DPF3: variants seen among roughly 807,000 people sequenced by gnomAD.
The protein encoded by DPF3 is zinc finger protein DPF3.
DPF3 carries 18 observed loss-of-function variants against 56.8 expected under a neutral mutation model. The ratio of observed to expected loss-of-function variants is 0.32; its 90% CI spans 0.22 to 0.47. The LOEUF is 0.47. DPF3 is among the 20% of genes least tolerant of loss of function. The pLI, the probability that DPF3 is intolerant of heterozygous loss-of-function variation, is 1.00. For synonymous variants in DPF3, 188 were observed against 180.2 expected (o/e 1.04, Z -0.35); for missense variants, 403 against 488.8 (o/e 0.82, Z 1.65).
intron 1 of DPF3, among the ~76,000 whole-genome samples, chr14:72,804,570 G>A (rs527842536): frequency 6.6e-6 from 1 of 152,266 alleles, no homozygotes; most frequent in Admixed American, 6.5e-5. Context: ...TTCTTTCATG[G>A]AATTGATAGA....
At chr14:72,662,518 A>G in intron 8 of DPF3, 1 of 985,302 alleles carries the variant, frequency 1.0e-6, no homozygotes, top group Non-Finnish European at 1.2e-6. Context: ...GAGTAATTCC[A>G]GGCGGACCTG....
chr14:72,849,059 C>T (rs1412704960), intron 1 of DPF3, among the ~76,000 whole-genome samples: 2 of 152,292 alleles, frequency 1.3e-5, no homozygotes, highest in Middle Eastern at 3.4e-3. Flanking sequence ...AGTTAAATAA[C>T]TTGCCCTAGC....
chr14:72,631,073 A>G (rs1320693316), intron 8 of DPF3, among the ~76,000 whole-genome samples: 1 of 152,238 alleles, frequency 6.6e-6, no homozygotes, highest in Non-Finnish European at 1.5e-5. Flanking sequence ...TTCAGCCAAC[A>G]TAAGGATCCT....
chr14:72,622,855 CCT>C lies in DPF3; in HGVS notation c.985-2873_985-2872del, dbSNP rs528466725. Among the ~76,000 whole-genome samples the C allele has an allele frequency of 4.9e-4, 75 of 152,282 alleles. 1 individual carries two copies. Among genetic ancestry groups the C allele is most frequent in the African/African-American group, 1.7e-3 (71 of 41,546 alleles). On this transcript the variant is annotated intron_variant, in intron 9 of 10. Transcript: ENST00000556509. ...TCCTAGTGCCCCAACAACCTCACCC[CCT>C]GACTCCTCCTCAAAGGCTCTGCCAA...
intron 1 of DPF3, chr14:72,853,279 A>C (rs1426772578): frequency 6.6e-6 from 1 of 152,164 alleles, no homozygotes; most frequent in Middle Eastern, 3.4e-3. Flanking sequence ...CAAGGAGTTC[A>C]ATCTGTAACT....
In DPF3 at chr14:72,749,892, G is replaced by A. The variant is rs558758492; in HGVS notation, c.301+3372C>T. 2.0e-4 allele frequency among the ~76,000 whole-genome samples: 31 copies of A among 151,824 alleles called. 2 individuals carry two copies. Among genetic ancestry groups the A allele is most frequent in the Non-Finnish European group, 3.5e-4 (24 of 67,948 alleles). On this transcript the variant is annotated intron_variant, in intron 3 of 10. Transcript: ENST00000556509. ...AAGAAAAAAAAGTAAGAAAGAGAGAGAGAGGTAAAGAGAGACATGTAGCCC... is the reference window on the plus strand; with the variant it reads ...AAGAAAAAAAAGTAAGAAAGAGAGAAAGAGGTAAAGAGAGACATGTAGCCC...
chr14:72,674,776 C>T (rs1026081072), intron 7 of DPF3, among the ~76,000 whole-genome samples: 1 of 152,244 alleles, frequency 6.6e-6, no homozygotes, highest in Non-Finnish European at 1.5e-5. Context: ...AGGAAAGAGC[C>T]AGTGCCTGGA....
chr14:72,642,702 C>T (rs988837508), intron 8 of DPF3, among the ~76,000 whole-genome samples: 6 of 152,098 alleles, frequency 3.9e-5, no homozygotes, highest in African/African-American at 1.4e-4. Flanking sequence ...CCTCCATGCC[C>T]CTGTCTCACT....
intron 8 of DPF3, among the ~76,000 whole-genome samples, chr14:72,632,170 G>C (rs911276265): frequency 6.6e-6 from 1 of 152,230 alleles, no homozygotes; most frequent in Non-Finnish European, 1.5e-5. Flanking sequence ...AAGGCAGTAA[G>C]TGGGTCACAT....
intron 2 of DPF3, among the ~76,000 whole-genome samples, chr14:72,760,258 G>A (rs985954412): frequency 1.3e-5 from 2 of 152,150 alleles, no homozygotes; most frequent in Non-Finnish European, 2.9e-5. Context: ...ATCACCTGAG[G>A]TCGGGAGTTC....
chr14:72,672,058 CAG>C (rs59902362), intron 8 of DPF3, among the ~76,000 whole-genome samples: 9,204 of 72,280 alleles, frequency 0.13, 301 homozygotes, highest in East Asian at 0.27. Flanking sequence ...CACACACACA[CAG>C]ACACACACAC....
chr14:72,743,345 G>T (rs1890203600), intron 3 of DPF3, among the ~76,000 whole-genome samples: 1 of 152,052 alleles, frequency 6.6e-6, no homozygotes, highest in Non-Finnish European at 1.5e-5. Flanking sequence ...AAGCAACATG[G>T]CAGCAGCTCC....
chr14:72,736,480 C>T (rs1251566330), intron 3 of DPF3, among the ~76,000 whole-genome samples: 1 of 152,114 alleles, frequency 6.6e-6, no homozygotes, highest in Non-Finnish European at 1.5e-5. Context: ...CTGCCGAGTG[C>T]CATTCCAAGA....
chr14:72,793,708 C>G (rs1892530945), intron 1 of DPF3, among the ~76,000 whole-genome samples: 1 of 152,238 alleles, frequency 6.6e-6, no homozygotes, highest in Non-Finnish European at 1.5e-5. Flanking sequence ...GACAGATCAC[C>G]GTCCCCACCT....
chr14:72,792,430 A>G (rs1326559742), intron 1 of DPF3, among the ~76,000 whole-genome samples: 1 of 152,238 alleles, frequency 6.6e-6, no homozygotes, highest in African/African-American at 2.4e-5. Flanking sequence ...AAAGAAAAAA[A>G]GAAAGAAAAG....
intron 1 of DPF3, among the ~76,000 whole-genome samples, chr14:72,783,978 G>C (rs1356296473): frequency 2.6e-5 from 4 of 152,166 alleles, no homozygotes; most frequent in Non-Finnish European, 4.4e-5. Context: ...TCACGCACCT[G>C]CTGGCATGGG....
At chr14:72,671,617 T>C (rs1886680713) in intron 8 of DPF3, 1 of 572,704 alleles carries the variant, frequency 1.7e-6, no homozygotes, top group African/African-American at 1.8e-5. Flanking sequence ...TGATCTTTCT[T>C]CTGTTGTGCA....
chr14:72,693,654 G>A (rs1217286560), intron 6 of DPF3, among the ~76,000 whole-genome samples: 1 of 152,176 alleles, frequency 6.6e-6, no homozygotes. Context: ...AAAGGGCACT[G>A]GGAATCTACC....
At chr14:72,630,060 C>G (rs183211952) in intron 8 of DPF3, among the ~76,000 whole-genome samples, 2 of 152,270 alleles carry the variant, frequency 1.3e-5, no homozygotes, top group East Asian at 1.9e-4. Flanking sequence ...CAGCCTGGGG[C>G]AGCACTATGA....
Sources: gnomAD v4.1 joint callset for allele counts (sites outside exome capture counted in the v4.1 genomes callset) on GRCh38, gnomAD v4.1.1 for gene constraint, MANE v1.5 for transcripts, NCBI Gene and HGNC (gene_info 2026-07-23, HGNC 2026-07-21) for gene names.